Variants in SHLD3 observed in about 807,000 individuals in gnomAD.
The protein encoded by SHLD3 is shieldin complex subunit 3, also known as REV7-interacting novel NHEJ regulator 1.
Under a neutral mutation model 21.4 loss-of-function variants are expected in SHLD3, and 15 were observed. That is an observed-to-expected ratio of 0.70 (90% CI 0.47 to 1.08). SHLD3 has a LOEUF of 1.08. SHLD3 is among the 50% of genes least tolerant of loss of function. The probability of loss-of-function intolerance (pLI) is 0.00; values close to 1 mark genes in which losing one functional copy is unlikely to be tolerated. For synonymous variants in SHLD3, 103 were observed against 97.2 expected, an observed-to-expected ratio of 1.06 and a Z score of -0.35; for missense variants, 273 against 286.1, an observed-to-expected ratio of 0.95 and a Z score of 0.33.
At position 65,630,050 on chromosome 5, in the gene SHLD3, A is replaced by C. The variant is rs757792460; in HGVS notation, c.463A>C (p.Ser155Arg). ...VSPLSKKLQDSLKALNLHSLY... is the reference protein window; with the variant it reads ...VSPLSKKLQDRLKALNLHSLY... Reference sequence around the variant, plus strand: ...TCCTTTGTCTAAAAAATTGCAAGATAGTTTAAAGGCACTAAATTTACACTC... The same window carrying C: ...TCCTTTGTCTAAAAAATTGCAAGATCGTTTAAAGGCACTAAATTTACACTC... The change falls in exon 2 of 2, where the codon AGT (serine) becomes CGT (arginine). Residue 155 changes from serine (S) to arginine (R), a missense_variant. Physicochemically the swap from Ser to Arg is moderately radical, Grantham distance 110. Transcript: ENST00000510585. 1 of 1,536,110 alleles carries C rather than the reference A, an allele frequency of 6.5e-7. No homozygotes were observed. Among genetic ancestry groups the C allele is most frequent in the South Asian group, 1.2e-5 (1 of 84,062 alleles).
At chr5:65,628,625 C>T (rs1228062321) in intron 1 of SHLD3, among the ~76,000 whole-genome samples, 1 of 151,994 alleles carries the variant, frequency 6.6e-6, no homozygotes, top group Non-Finnish European at 1.5e-5. Context: ...GCACACGCCA[C>T]CACAGCCGGC....
intron 1 of SHLD3, among the ~76,000 whole-genome samples, chr5:65,627,695 T>G (rs924235208): frequency 5.3e-5 from 8 of 151,842 alleles, no homozygotes; most frequent in Non-Finnish European, 1.0e-4. Flanking sequence ...AATTTCTCAG[T>G]GCCATATTTT....
Position 65,629,937 on chromosome 5 carries a change from T to C in SHLD3, c.350T>C (p.Leu117Pro), listed in dbSNP as rs1318180896. 6.5e-7 allele frequency: 1 copy of C among 1,536,094 alleles called. No homozygotes were observed. The highest frequency in any genetic ancestry group is 1.4e-5 in the African/African-American group (1 of 73,174). ...TLKEQTNSGN[L>P]GKQSEKGKQH... ...AAGGAACAGACTAATTCTGGAAATC[T>C]GGGTAAACAATCAGAAAAGGGAAAA... Residue 117 changes from leucine to proline, a missense_variant, in exon 2 of 2, where the codon CTG (leucine) becomes CCG (proline). Coordinates refer to ENST00000510585, the MANE Select transcript of SHLD3 (RefSeq NM_001365341.2).
intron 1 of SHLD3, among the ~76,000 whole-genome samples, chr5:65,627,158 G>C (rs367797085): frequency 1.6e-3 from 102 of 63,948 alleles, no homozygotes; most frequent in African/African-American, 5.6e-3. Flanking sequence ...AAAAAAAAAA[G>C]AACAATAAGC....
chr5:65,625,236 C>T, intron 1 of SHLD3, 130 bp downstream of exon 1: 1 of 802,968 alleles, frequency 1.2e-6, no homozygotes, highest in Admixed American at 2.3e-5. Flanking sequence ...CCTTTGCCGC[C>T]AAGCGGGAGG....
chr5:65,626,898 T>A (rs987483447), intron 1 of SHLD3, among the ~76,000 whole-genome samples: 3 of 151,826 alleles, frequency 2.0e-5, no homozygotes, highest in African/African-American at 7.3e-5. Flanking sequence ...AATAGCACTT[T>A]GGGAGGCCGA....
intron 1 of SHLD3, among the ~76,000 whole-genome samples, chr5:65,628,308 TGAG>T (rs1354888009): frequency 1.3e-5 from 2 of 152,182 alleles, no homozygotes; most frequent in African/African-American, 2.4e-5. Flanking sequence ...GCCTGGATTA[TGAG>T]GAGAAGACAG....
chr5:65,625,911 G>C (rs1421396210), intron 1 of SHLD3: 1 of 152,130 alleles, frequency 6.6e-6, no homozygotes. Flanking sequence ...ATTGAATTGC[G>C]CTTACTTTAC....
chr5:65,625,944 C>G (rs962548449), intron 1 of SHLD3: 12 of 152,172 alleles, frequency 7.9e-5, no homozygotes, highest in African/African-American at 2.9e-4. Context: ...TTTTGAGGAA[C>G]GCCTTATCCT....
At position 65,630,475 on chromosome 5, in the gene SHLD3, A is replaced by G. The variant is rs1755494022; in HGVS notation, c.*135A>G. ...CTAGGCTTGTCAATTAAGTCAAGAA[A>G]TTGCTGAGTTCTGCTTATTGGCAGC... On this transcript the variant is annotated 3_prime_UTR_variant, in exon 2 of 2. Coordinates refer to ENST00000510585, the MANE Select transcript of SHLD3 (RefSeq NM_001365341.2). 2 of 1,387,116 alleles carry G rather than the reference A, an allele frequency of 1.4e-6. No individual in the cohort carries two copies. Among genetic ancestry groups the G allele is most frequent in the Non-Finnish European group, 1.9e-6 (2 of 1,077,362 alleles). 85.9% of individuals were successfully genotyped at this position (1,387,116 alleles called of 1,614,324 possible).
chr5:65,625,222 C>G, intron 1 of SHLD3, 116 bp downstream of exon 1: 2 of 888,702 alleles, frequency 2.3e-6, no homozygotes, highest in Non-Finnish European at 3.7e-6. Flanking sequence ...CCCTCCTGCT[C>G]TGTCCTTTGC....
In SHLD3 at chr5:65,625,098, C is replaced by T; in HGVS notation, c.-129C>T. The T allele has an allele frequency of 3.1e-6, 5 of 1,613,496 alleles. No homozygotes were observed. Among genetic ancestry groups the T allele is most frequent in the Non-Finnish European group, 3.4e-6 (4 of 1,179,454 alleles). On this transcript the variant is annotated 5_prime_UTR_variant, in exon 1 of 2. Coordinates refer to ENST00000510585, the MANE Select transcript of SHLD3 (RefSeq NM_001365341.2). Reference sequence around the variant, plus strand: ...CCCCCTAAACAGGAGCACCTGCTGGCGCTAAAAGGTAAACTTTTGCGAACC... The same window carrying T: ...CCCCCTAAACAGGAGCACCTGCTGGTGCTAAAAGGTAAACTTTTGCGAACC...
rs60169195 is a variant in SHLD3 at position 65,627,131 on chromosome 5, C to CAA, written c.-121+2050_-121+2051dup. Among the ~76,000 whole-genome samples the CAA allele has an allele frequency of 4.0e-3, 131 of 32,574 alleles. 33 individuals are homozygous for CAA. The highest frequency in any genetic ancestry group is 9.7e-3 in the African/African-American group (98 of 10,138). The allele number at this position is 32,574 out of a possible 152,430, so 21.4% of individuals were successfully genotyped here. ...TGGGTGACAGAGTGAGACCCTGTCT[C>CAA]AAAAAAAAAAAAAAAAAAAAAAAAA... On this transcript the variant is annotated intron_variant, in intron 1 of 1. Transcript: ENST00000510585.
intron 1 of SHLD3, among the ~76,000 whole-genome samples, chr5:65,627,113 C>CA (rs1338288300): frequency 2.0e-5 from 2 of 100,042 alleles, no homozygotes; most frequent in African/African-American, 3.8e-5. Flanking sequence ...GCCTGGGTGA[C>CA]AGAGTGAGAC....
rs1036246075 is a variant in SHLD3 at position 65,630,156 on chromosome 5, A to G, written c.569A>G (p.Gln190Arg). 5 of 1,536,042 alleles carry G rather than the reference A, an allele frequency of 3.3e-6. No homozygotes were observed. Among genetic ancestry groups the G allele is most frequent in the Non-Finnish European group, 4.4e-6 (5 of 1,146,862 alleles). The change falls in exon 2 of 2, where the codon CAA becomes CGA. Residue 190 changes from glutamine (Q) to arginine (R), a missense_variant. By Grantham distance (43) the Gln-to-Arg change is conservative. Coordinates refer to ENST00000510585, the MANE Select transcript of SHLD3 (RefSeq NM_001365341.2). ...GAAGACATTTGGACAAAACTCAATC[A>G]AATTATTAGGCACAATGAACTTCCA... ...TLEDIWTKLN[Q>R]IIRHNELPSC...
intron 1 of SHLD3, among the ~76,000 whole-genome samples, chr5:65,629,243 G>A (rs28126): frequency 0.62 from 94,135 of 151,910 alleles, 29,466 homozygotes; most frequent in South Asian, 0.64. Flanking sequence ...GACTACTAGC[G>A]TTTTTAGGCA....
chr5:65,628,436 A>T (rs982422684), intron 1 of SHLD3, among the ~76,000 whole-genome samples: 1 of 151,612 alleles, frequency 6.6e-6, no homozygotes, highest in African/African-American at 2.4e-5. Flanking sequence ...TTCTATCTAT[A>T]TATTTGTTTG....
In SHLD3 at chr5:65,630,429, T is replaced by C. The variant is rs1242275171; in HGVS notation, c.*89T>C. On this transcript the variant is annotated 3_prime_UTR_variant, in exon 2 of 2. Coordinates refer to ENST00000510585, the MANE Select transcript of SHLD3 (RefSeq NM_001365341.2). The stretch of plus-strand genomic sequence containing the variant: ...AATAATTTTTACAGGTTTTAAAATT[T>C]TTAATGACTTTTTAGAATTCCTAGG... The C allele has an allele frequency of 3.6e-5, 51 of 1,406,446 alleles. No homozygotes were observed. The highest frequency in any genetic ancestry group is 4.3e-5 in the Non-Finnish European group (47 of 1,087,440). The allele number at this position is 1,406,446 out of a possible 1,614,324, so 87.1% of individuals were successfully genotyped here.
rs554619134 is a variant in SHLD3, at chr5:65,627,114, A to G, written c.-121+2008A>G. On this transcript the variant is annotated intron_variant, in intron 1 of 1. Coordinates refer to ENST00000510585, the MANE Select transcript of SHLD3 (RefSeq NM_001365341.2). ...GCCACTGCACTCCAGCCTGGGTGAC[A>G]GAGTGAGACCCTGTCTCAAAAAAAA... Among the ~76,000 whole-genome samples, 389 of 124,600 alleles carry G rather than the reference A, an allele frequency of 3.1e-3. 1 individual carries two copies. The highest frequency in any genetic ancestry group is 0.011 in the African/African-American group (357 of 33,398). The allele number at this position is 124,600 out of a possible 152,430, so 81.7% of individuals were successfully genotyped here. A position where few individuals can be genotyped will look rare whatever the true frequency, so the allele number is the denominator to read the frequency against.
Sources: gnomAD v4.1 joint callset for allele counts (sites outside exome capture counted in the v4.1 genomes callset) on GRCh38, gnomAD v4.1.1 for gene constraint, MANE v1.5 for transcripts, NCBI Gene and HGNC (gene_info 2026-07-23, HGNC 2026-07-21) for gene names.